CLTRN: variants seen among roughly 807,000 people sequenced by gnomAD.
CLTRN encodes the protein collectrin, amino acid transport regulator, also known as collectrin.
A neutral mutation model predicts 14.5 loss-of-function variants in CLTRN; 12 were observed. The ratio of observed to expected loss-of-function variants is 0.83; its 90% confidence interval spans 0.53 to 1.34. The LOEUF (loss-of-function observed/expected upper bound fraction) is 1.34, where lower values mean the gene tolerates loss of function less well. Ranked by LOEUF, CLTRN falls within the 40% of genes most tolerant of loss-of-function variation. CLTRN has a pLI of 0.00. For synonymous variants in CLTRN, 58 were observed against 56.5 expected, an observed-to-expected ratio of 1.03 and a Z score of -0.12; for missense variants, 154 against 165.1, an observed-to-expected ratio of 0.93 and a Z score of 0.37.
intron 3 of CLTRN, among the ~76,000 whole-genome samples, chrX:15,645,594 C>A (rs1345999648): frequency 8.9e-6 from 1 of 112,232 alleles, no homozygotes; most frequent in Non-Finnish European, 1.9e-5. Flanking sequence ...TCGCCTTGAA[C>A]AAACCTCCAA....
At chrX:15,657,355 T>C (rs952532052) in intron 3 of CLTRN, among the ~76,000 whole-genome samples, 11 of 112,376 alleles carry the variant, frequency 9.8e-5, no homozygotes, top group African/African-American at 3.2e-4. Context: ...CAGATATTCA[T>C]AGACTCCTAC....
chrX:15,664,949 A>C, upstream of CLTRN: 4 of 432,316 alleles, frequency 9.3e-6, no homozygotes. Flanking sequence ...CCATAAAAAC[A>C]GCCCATCTCC....
At chrX:15,659,224 A>G (rs1418214912) in intron 2 of CLTRN, 123 bp from the exon 3 acceptor site, 1 of 294,526 alleles carries the variant, frequency 3.4e-6, no homozygotes, top group Admixed American at 4.3e-5. Flanking sequence ...GCACACACAC[A>G]CACGTTTCTC....
intron 3 of CLTRN, among the ~76,000 whole-genome samples, chrX:15,654,937 T>C (rs1929312734): frequency 8.9e-6 from 1 of 112,526 alleles, no homozygotes; most frequent in Admixed American, 9.3e-5. Context: ...TTGCTCACAC[T>C]GTTCCCTTTG....
At chrX:15,670,950 G>C (rs1308929281) in intron 1 of CLTRN, among the ~76,000 whole-genome samples, 1 of 98,410 alleles carries the variant, frequency 1.0e-5, no homozygotes, top group Non-Finnish European at 2.0e-5. Context: ...TTTCTCTAAG[G>C]CTAAGAATGT....
intron 3 of CLTRN, among the ~76,000 whole-genome samples, chrX:15,656,162 C>G (rs1486387386): frequency 2.7e-5 from 3 of 112,006 alleles, no homozygotes; most frequent in Non-Finnish European, 5.6e-5. Flanking sequence ...GGTAACTGGA[C>G]TAGATCAGCT....
At chrX:15,634,971 GA>G (rs1017266037) in intron 5 of CLTRN, among the ~76,000 whole-genome samples, 22 of 102,862 alleles carry the variant, frequency 2.1e-4, no homozygotes, top group South Asian at 1.7e-3. Flanking sequence ...ATAAATAAAA[GA>G]AAAAAAATCG....
chrX:15,669,382 A>C (rs945752762), upstream of CLTRN, among the ~76,000 whole-genome samples: 1 of 112,368 alleles, frequency 8.9e-6, no homozygotes, highest in Non-Finnish European at 1.9e-5. Context: ...CAAATAAAGC[A>C]GTTCAATCAT....
upstream of CLTRN, chrX:15,665,045 C>G: frequency 3.0e-6 from 1 of 330,395 alleles, no homozygotes; most frequent in East Asian, 5.5e-5. Context: ...GTCTTCTTTG[C>G]TGACTCAAAG....
chrX:15,643,994 T>C (rs181390990), intron 4 of CLTRN, among the ~76,000 whole-genome samples: 55 of 112,193 alleles, frequency 4.9e-4, no homozygotes, highest in South Asian at 1.5e-3. Context: ...CATGTGGTAT[T>C]TGAAGTTTTG....
chrX:15,663,122 C>A (rs930162101), intron 2 of CLTRN, among the ~76,000 whole-genome samples: 2 of 112,013 alleles, frequency 1.8e-5, no homozygotes, highest in African/African-American at 6.5e-5. Flanking sequence ...AGCCGAAGTG[C>A]CCTTGTACTT....
At chrX:15,645,612 A>T (rs1422108027) in intron 3 of CLTRN, among the ~76,000 whole-genome samples, 1 of 112,060 alleles carries the variant, frequency 8.9e-6, no homozygotes, top group Non-Finnish European at 1.9e-5. Flanking sequence ...CAACTTAAAC[A>T]CTATAATCAA....
At chrX:15,673,831 G>A (rs1471343407) in intron 1 of CLTRN, among the ~76,000 whole-genome samples, 3 of 112,324 alleles carry the variant, frequency 2.7e-5, no homozygotes, top group Non-Finnish European at 5.6e-5. Flanking sequence ...CTCTATACAA[G>A]TGAAAAGGGA....
At position 15,644,925 on chromosome X, in the gene CLTRN, G is replaced by C. The variant is rs753472386; in HGVS notation, c.308C>G (p.Ser103Ter). 8.4e-7 allele frequency: 1 copy of C among 1,194,577 alleles called. No homozygotes were observed. Residue 103 changes from serine (S) to a stop codon, truncating the protein, a stop_gained, in exon 4 of 6, where the codon TCA (serine) becomes TGA (stop). Transcript: ENST00000380342. LOFTEE classifies it high-confidence loss of function. ...NHTLPAVEVQ[S>*]AIRMNKNRIN... The stretch of plus-strand genomic sequence containing the variant: ...ATTTAAGGGTGATTACCTTATGGCT[G>C]ATTGCACCTCAACAGCAGGAAGGGT...
rs1929744846 is a variant in CLTRN at position 15,672,959 on chromosome X, T to C, written c.-506+2030A>G. ...TACCCTGAATTAAACCAGACCATTGTGGGGCTGTGTACTCAGTCGAACAGG... is the reference window on the plus strand; with the variant it reads ...TACCCTGAATTAAACCAGACCATTGCGGGGCTGTGTACTCAGTCGAACAGG... On this transcript the variant is annotated intron_variant, in intron 1 of 6. Coordinates refer to the CLTRN transcript ENST00000650271. 2.7e-5 allele frequency among the ~76,000 whole-genome samples: 3 copies of C among 112,109 alleles called. No homozygotes were observed. In the South Asian group the frequency reaches 1.1e-3, roughly 41 times the overall value.
At chrX:15,636,726 A>G (rs750697544) in intron 5 of CLTRN, among the ~76,000 whole-genome samples, 3 of 111,851 alleles carry the variant, frequency 2.7e-5, no homozygotes, top group African/African-American at 9.7e-5. Flanking sequence ...AATCATAGCA[A>G]TGGCTTAAGC....
At chrX:15,650,414 G>C (rs758074510) in intron 3 of CLTRN, among the ~76,000 whole-genome samples, 1 of 111,618 alleles carries the variant, frequency 9.0e-6, no homozygotes, top group Admixed American at 9.5e-5. Flanking sequence ...TAAAAAATTT[G>C]TTTGAAATTA....
chrX:15,635,280 C>T (rs1358290212), intron 5 of CLTRN, among the ~76,000 whole-genome samples: 1 of 110,478 alleles, frequency 9.1e-6, no homozygotes, highest in African/African-American at 3.3e-5. Context: ...AATTTTTCAG[C>T]CTTGATGGGA....
At chrX:15,657,031 C>T (rs1017835279) in intron 3 of CLTRN, among the ~76,000 whole-genome samples, 44 of 108,884 alleles carry the variant, frequency 4.0e-4, no homozygotes, top group African/African-American at 1.4e-3. Context: ...CAGAGTCTCA[C>T]TCTGTCACCC....
Sources: allele counts gnomAD v4.1 joint callset (sites outside exome capture counted in the v4.1 genomes callset), GRCh38; gene constraint gnomAD v4.1.1; transcripts MANE v1.5; gene names NCBI Gene and HGNC (gene_info 2026-07-23, HGNC 2026-07-21).